The following LOXHD1 variants were observed in gnomAD, a reference collection of about 807,000 sequenced individuals.
LOXHD1 encodes lipoxygenase homology PLAT domains 1.
Under a neutral mutation model 248.2 loss-of-function variants are expected in LOXHD1, and 205 were observed. The ratio of observed to expected loss-of-function variants is 0.83; its 90% confidence interval spans 0.74 to 0.93. LOXHD1 has a LOEUF of 0.93. Among genes scored for constraint, LOXHD1 ranks in the 40% least tolerant of loss-of-function variants. LOXHD1 has a pLI of 0.00. For synonymous variants in LOXHD1, 1,113 were observed against 1,162.8 expected, an observed-to-expected ratio of 0.96 and a Z score of 0.87; for missense variants, 2,930 against 2,971.6, an observed-to-expected ratio of 0.99 and a Z score of 0.33.
intron 19 of LOXHD1, 26 bp downstream of exon 19, chr18:46,560,057 A>ACAC: frequency 3.8e-6 from 1 of 261,646 alleles, no homozygotes; most frequent in Non-Finnish European, 6.5e-6. Flanking sequence ...CTCCCTCCCC[A>ACAC]CCCCCACCCC....
At chr18:46,640,402 T>TC (rs2144377977) in intron 3 of LOXHD1, among the ~76,000 whole-genome samples, 1 of 152,218 alleles carries the variant, frequency 6.6e-6, no homozygotes, top group East Asian at 1.9e-4. Context: ...AAGCAGATAC[T>TC]CCCCTTAGTC....
intron 28 of LOXHD1, among the ~76,000 whole-genome samples, chr18:46,529,631 C>T (rs606104): frequency 2.6e-5 from 4 of 152,202 alleles, no homozygotes; most frequent in African/African-American, 9.7e-5. Flanking sequence ...CTGCAGTGTA[C>T]ATGGGGAAAG....
chr18:46,593,482 G>A (rs996115055), intron 10 of LOXHD1, 118 bp downstream of exon 10: 29 of 1,132,698 alleles, frequency 2.6e-5, no homozygotes, highest in Admixed American at 5.0e-5. Flanking sequence ...AATCTCCATC[G>A]TACATTTTTG....
intron 6 of LOXHD1, among the ~76,000 whole-genome samples, chr18:46,606,869 TAAA>T (rs2038422160): frequency 6.6e-6 from 1 of 152,040 alleles, no homozygotes; most frequent in African/African-American, 2.4e-5. Context: ...TTTCCATCAT[TAAA>T]AATTACACTG....
At chr18:46,484,683 T>C (rs899559426) in intron 39 of LOXHD1, among the ~76,000 whole-genome samples, 1 of 151,322 alleles carries the variant, frequency 6.6e-6, no homozygotes, top group Admixed American at 6.6e-5. Flanking sequence ...CTGGAGAGAG[T>C]GAGGAGATGA....
chr18:46,597,542 G>GCACACACACACA (rs1491182198), intron 8 of LOXHD1, among the ~76,000 whole-genome samples: 35 of 61,132 alleles, frequency 5.7e-4, no homozygotes, highest in African/African-American at 1.1e-3. Context: ...AGTGGTACAT[G>GCACACACACACA]CGCACACACA....
chr18:46,533,832 G>C (rs36082045), intron 27 of LOXHD1: 1 of 195,288 alleles, frequency 5.1e-6, no homozygotes, highest in Admixed American at 5.5e-5. Flanking sequence ...AGGCTGAGGC[G>C]GGAGAATTGC....
rs958951917 is a variant in LOXHD1, at chr18:46,505,894, G to A, written c.5822C>T (p.Pro1941Leu). 56 of 1,551,714 alleles carry A rather than the reference G, an allele frequency of 3.6e-5. No homozygotes were observed. In the Admixed American group the frequency reaches 4.1e-4, roughly 11 times the overall value. The change falls in exon 37 of 41, where the codon CCT becomes CTT. Residue 1941 changes from proline (P) to leucine (L), a missense_variant. Physicochemically the swap from Pro to Leu is moderately conservative, Grantham distance 98. Transcript: ENST00000642948. ...ERNNTDTFNFPDMLSLGHLCK... is the reference protein window; with the variant it reads ...ERNNTDTFNFLDMLSLGHLCK... ...GAGGTGGCCCAAGCTCAGCATGTCAGGGAAGTTGAATGTGTCCGTGTTGTT... is the reference window on the plus strand; with the variant it reads ...GAGGTGGCCCAAGCTCAGCATGTCAAGGAAGTTGAATGTGTCCGTGTTGTT...
At chr18:46,575,154 C>G (rs1414543390) in intron 14 of LOXHD1, among the ~76,000 whole-genome samples, 1 of 152,154 alleles carries the variant, frequency 6.6e-6, no homozygotes, top group Non-Finnish European at 1.5e-5. Flanking sequence ...CCTCAGCTCT[C>G]CCTCCCCAGG....
intron 35 of LOXHD1, among the ~76,000 whole-genome samples, chr18:46,508,967 A>G (rs2034770782): frequency 6.6e-6 from 1 of 152,136 alleles, no homozygotes; most frequent in Non-Finnish European, 1.5e-5. Context: ...AGAGCCGCAC[A>G]GCTGGGGAAG....
intron 5 of LOXHD1, among the ~76,000 whole-genome samples, chr18:46,616,584 A>G (rs1318884373): frequency 6.6e-6 from 1 of 152,118 alleles, no homozygotes; most frequent in Non-Finnish European, 1.5e-5. Flanking sequence ...CTTGTATCTC[A>G]TTCCTTTCTT....
chr18:46,514,886 T>C (rs1568122236), intron 34 of LOXHD1, among the ~76,000 whole-genome samples: 2 of 152,236 alleles, frequency 1.3e-5, no homozygotes, highest in Non-Finnish European at 1.5e-5. Context: ...CTAAAAATAG[T>C]TTCTACACCC....
chr18:46,487,790 GA>G (rs1568079430), intron 38 of LOXHD1, among the ~76,000 whole-genome samples: 1 of 152,242 alleles, frequency 6.6e-6, no homozygotes, highest in African/African-American at 2.4e-5. Flanking sequence ...GGAGAAGAGA[GA>G]AAGAGACGTA....
At chr18:46,592,405 A>C (rs1276228675) in intron 11 of LOXHD1, 93 bp downstream of exon 11, 2 of 1,102,390 alleles carry the variant, frequency 1.8e-6, no homozygotes, top group Admixed American at 2.2e-5. Flanking sequence ...CACAATAAAT[A>C]CAGAGGCAAA....
intron 39 of LOXHD1, among the ~76,000 whole-genome samples, 152 bp from the exon 40 acceptor site, chr18:46,483,897 G>T (rs2032807415): frequency 1.3e-5 from 2 of 152,066 alleles, no homozygotes; most frequent in African/African-American, 4.8e-5. Context: ...GGCTTTGAGG[G>T]GTTCAGTTCA....
chr18:46,522,146 C>G lies in LOXHD1; in HGVS notation c.5040G>C (p.Glu1680Asp). The G allele has an allele frequency of 6.4e-7, 1 of 1,551,604 alleles. No individual in the cohort carries two copies. Among genetic ancestry groups the G allele is most frequent in the East Asian group, 2.4e-5 (1 of 40,916 alleles). ...KRGFSRGSVE[E>D]FYVAGLDVGI... ...CCACATCCAAGCCTGCGACGTAGAACTCCTCCACAGAGCCACGGCTGAAGC... is the reference window on the plus strand; with the variant it reads ...CCACATCCAAGCCTGCGACGTAGAAGTCCTCCACAGAGCCACGGCTGAAGC... Residue 1680 changes from glutamate to aspartate, a missense_variant, in exon 32 of 41, where the codon GAG becomes GAC. Coordinates refer to ENST00000642948, the MANE Select transcript of LOXHD1 (RefSeq NM_001384474.1).
At position 46,593,703 on chromosome 18, in the gene LOXHD1, G is replaced by T. The variant is rs373322838; in HGVS notation, c.1328C>A (p.Ser443Tyr). 6.4e-7 allele frequency: 1 copy of T among 1,552,278 alleles called. No individual in the cohort carries two copies. Among genetic ancestry groups the T allele is most frequent in the Non-Finnish European group, 8.7e-7 (1 of 1,147,106 alleles). Residue 443 changes from serine to tyrosine, a missense_variant, in exon 10 of 41, where the codon TCT becomes TAT. Physicochemically the swap from Ser to Tyr is moderately radical, Grantham distance 144. Coordinates refer to ENST00000642948, the MANE Select transcript of LOXHD1 (RefSeq NM_001384474.1). ...CCCATAAATCTGGATGAAGATGGGA[G>T]AGTTGGTACCAGCTTTCTTTAGGTC... ...TTDLKKAGTN[S>Y]PIFIQIYGQK... is the part of the protein sequence containing the mutation.
rs574120467 is a variant in LOXHD1 at position 46,628,730 on chromosome 18, C to A, written c.512-10440G>T. ...AAGGGAAACATCAGGAGCTTAACCA[C>A]AAGGACAAGCACCACGCTATTGTGT... On this transcript the variant is annotated intron_variant, in intron 4 of 40. Coordinates refer to ENST00000642948, the MANE Select transcript of LOXHD1 (RefSeq NM_001384474.1). Among the ~76,000 whole-genome samples, 3 of 152,326 alleles carry A rather than the reference C, an allele frequency of 2.0e-5. No homozygotes were observed. The South Asian group carries it at 6.2e-4, about 32-fold the overall frequency.
chr18:46,616,890 C>G (rs1163450488), intron 5 of LOXHD1, among the ~76,000 whole-genome samples: 1 of 152,042 alleles, frequency 6.6e-6, no homozygotes, highest in African/African-American at 2.4e-5. Flanking sequence ...AAAATATTTC[C>G]CTTTGCCTTT....
Sources: gnomAD v4.1 joint callset for allele counts (sites outside exome capture counted in the v4.1 genomes callset) on GRCh38, gnomAD v4.1.1 for gene constraint, MANE v1.5 for transcripts, NCBI Gene and HGNC (gene_info 2026-07-23, HGNC 2026-07-21) for gene names.